Variants in LPIN1 observed in about 807,000 individuals in gnomAD.
The protein encoded by LPIN1 is phosphatidate phosphatase LPIN1.
Under a neutral mutation model 107.5 loss-of-function variants are expected in LPIN1, and 71 were observed. That is an observed-to-expected ratio of 0.66 (90% CI 0.55 to 0.80). The LOEUF is 0.80. Ranked by LOEUF, LPIN1 falls within the 30% of genes least tolerant of loss-of-function variation. The pLI is 0.00. For synonymous variants in LPIN1, 445 were observed against 452.6 expected, an observed-to-expected ratio of 0.98 and a Z score of 0.21; for missense variants, 1,043 against 1,160.6, an observed-to-expected ratio of 0.90 and a Z score of 1.47.
At chr2:11,684,359 G>A (rs1235600778) in intron 1 of LPIN1, among the ~76,000 whole-genome samples, 1 of 151,778 alleles carries the variant, frequency 6.6e-6, no homozygotes, top group African/African-American at 2.4e-5. Flanking sequence ...TAAAGTTTTT[G>A]TAAAAACAAG....
intron 1 of LPIN1, among the ~76,000 whole-genome samples, chr2:11,752,078 C>A (rs569791291): frequency 6.6e-6 from 1 of 152,300 alleles, no homozygotes; most frequent in African/African-American, 2.4e-5. Flanking sequence ...TTCCCTATTA[C>A]AATTAATGCT....
chr2:11,702,598 A>T (rs1414490224), intron 1 of LPIN1, among the ~76,000 whole-genome samples: 4 of 152,238 alleles, frequency 2.6e-5, no homozygotes, highest in African/African-American at 9.6e-5. Flanking sequence ...GTCATGGCCT[A>T]GCTAAGAAGG....
At chr2:11,794,625 C>G (rs1676346862) in intron 13 of LPIN1, among the ~76,000 whole-genome samples, 1 of 143,014 alleles carries the variant, frequency 7.0e-6, no homozygotes. Context: ...GATTTCCTCT[C>G]CTGACGAAAC....
At chr2:11,768,453 A>G (rs1671291299) in intron 3 of LPIN1, among the ~76,000 whole-genome samples, 1 of 151,932 alleles carries the variant, frequency 6.6e-6, no homozygotes, top group African/African-American at 2.4e-5. Flanking sequence ...TCCTATCTCT[A>G]TAGATTTCCT....
Position 11,773,662 on chromosome 2 carries a change from T to G in LPIN1, c.639T>G (p.Pro213=), listed in dbSNP as rs764158462. 8.1e-6 allele frequency: 13 copies of G among 1,613,070 alleles called. No individual in the cohort carries two copies. The highest frequency in any genetic ancestry group is 1.7e-6 in the Non-Finnish European group (2 of 1,179,056). Residue 213 remains proline (P), a synonymous_variant, in exon 5 of 21, where the codon CCT becomes CCG. Transcript: ENST00000674199. ...NDIPPFQDDI[P]EENLSLAVIY... is the part of the protein sequence containing the mutation. ...TACCTCCATTCCAAGATGATATTCC[T>G]GAGGAAAACCTCTCCCTGGCTGTGA...
chr2:11,769,394 G>C (rs944199996), intron 3 of LPIN1, among the ~76,000 whole-genome samples: 4 of 152,098 alleles, frequency 2.6e-5, no homozygotes, highest in Non-Finnish European at 5.9e-5. Flanking sequence ...TCCTTTGCTA[G>C]TTTGTGTGTG....
intron 7 of LPIN1, 33 bp from the exon 8 acceptor site, chr2:11,782,168 T>A (rs1269040122): frequency 1.3e-6 from 2 of 1,563,536 alleles, no homozygotes; most frequent in African/African-American, 2.7e-5. Flanking sequence ...TGACCTTGTC[T>A]CTCTCTCTGT....
chr2:11,677,549 C>A (rs1000998738), upstream of LPIN1: 1 of 883,480 alleles, frequency 1.1e-6, no homozygotes, highest in South Asian at 1.5e-5. Context: ...GCTCCAGTGT[C>A]ACCCAGCCCA....
intron 1 of LPIN1, among the ~76,000 whole-genome samples, chr2:11,750,477 A>G (rs1667622975): frequency 6.6e-6 from 1 of 152,224 alleles, no homozygotes. Flanking sequence ...GGAAGGTACT[A>G]TTTAAATAGG....
chr2:11,813,291 T>C (rs1680001745), intron 17 of LPIN1, among the ~76,000 whole-genome samples: 2 of 152,192 alleles, frequency 1.3e-5, no homozygotes, highest in African/African-American at 4.8e-5. Flanking sequence ...GAATAATATG[T>C]TTTACTTAAT....
intron 1 of LPIN1, among the ~76,000 whole-genome samples, chr2:11,755,373 C>T (rs1449242279): frequency 1.3e-5 from 2 of 152,122 alleles, no homozygotes; most frequent in African/African-American, 4.8e-5. Context: ...TCTGGAATGT[C>T]GTGATGGGAC....
At chr2:11,819,912 G>A (rs140749142) in intron 19 of LPIN1, among the ~76,000 whole-genome samples, 1 of 152,316 alleles carries the variant, frequency 6.6e-6, no homozygotes, top group Non-Finnish European at 1.5e-5. Flanking sequence ...TACCAGAAGG[G>A]AACCGCAAAA....
chr2:11,678,835 G>A (rs112262372), intron 1 of LPIN1, among the ~76,000 whole-genome samples: 2,717 of 152,358 alleles, frequency 0.018, 37 homozygotes, highest in Non-Finnish European at 0.031. Flanking sequence ...CTGCAGGGGA[G>A]AGACATCAGG....
chr2:11,801,071 T>A (rs531011428), intron 14 of LPIN1, among the ~76,000 whole-genome samples: 15 of 152,330 alleles, frequency 9.8e-5, no homozygotes, highest in African/African-American at 3.6e-4. Context: ...CTCACCCCAG[T>A]TAGCATGGCT....
chr2:11,744,728 C>T (rs1666719143), upstream of LPIN1, among the ~76,000 whole-genome samples: 1 of 152,212 alleles, frequency 6.6e-6, no homozygotes, highest in Admixed American at 6.5e-5. Context: ...GACTTCTTCC[C>T]AGGCCAGCTC....
intron 1 of LPIN1, chr2:11,682,815 C>T (rs1661794977): frequency 6.6e-6 from 1 of 152,232 alleles, no homozygotes; most frequent in Non-Finnish European, 1.5e-5. Flanking sequence ...CGCATGGGAA[C>T]GCAAGTCCCT....
At chr2:11,693,838 T>A (rs1412080611) in intron 1 of LPIN1, among the ~76,000 whole-genome samples, 8 of 97,356 alleles carry the variant, frequency 8.2e-5, no homozygotes, top group Middle Eastern at 4.0e-3. Context: ...TTTTTTTTTT[T>A]TTTTTTTTTT....
chr2:11,744,721 T>G (rs1666718385), upstream of LPIN1, among the ~76,000 whole-genome samples: 1 of 152,222 alleles, frequency 6.6e-6, no homozygotes, highest in Non-Finnish European at 1.5e-5. Context: ...TAGAGTAGAC[T>G]TCTTCCCAGG....
In LPIN1 at chr2:11,787,135, T is replaced by A; in HGVS notation, c.1611T>A (p.Asp537Glu). 6.2e-7 allele frequency: 1 copy of A among 1,614,134 alleles called. No homozygotes were observed. The highest frequency in any genetic ancestry group is 8.5e-7 in the Non-Finnish European group (1 of 1,179,948). Reference protein sequence around the residue: ...QQFVDNPAIIDDPNLVVKIGS... With the variant: ...QQFVDNPAIIEDPNLVVKIGS... ...TTGTGGACAACCCCGCTATTATCGA[T>A]GACCCCAATCTCGTGGTAAAGATTG... is the stretch of plus-strand genomic sequence containing the variant. Residue 537 changes from aspartate to glutamate, a missense_variant, in exon 11 of 21, where the codon GAT becomes GAA. Transcript: ENST00000674199.
Sources: allele counts gnomAD v4.1 joint callset (sites outside exome capture counted in the v4.1 genomes callset), GRCh38; gene constraint gnomAD v4.1.1; transcripts MANE v1.5; gene names NCBI Gene and HGNC (gene_info 2026-07-23, HGNC 2026-07-21).